Variants in MAGI1 observed in about 807,000 individuals in gnomAD.
MAGI1 encodes the protein membrane-associated guanylate kinase, WW and PDZ domain-containing protein 1.
Under a neutral mutation model 139.9 loss-of-function variants are expected in MAGI1, and 58 were observed. That is an observed-to-expected ratio of 0.41 (90% confidence interval 0.34 to 0.52). The LOEUF (loss-of-function observed/expected upper bound fraction) is 0.52. Among genes scored for constraint, MAGI1 ranks in the 20% least tolerant of loss-of-function variants. The pLI, the probability that MAGI1 is intolerant of heterozygous loss-of-function variation, is 0.12. For missense variants in MAGI1, 1,874 were observed against 1,901.6 expected (o/e 0.99, Z 0.27); for synonymous variants, 812 against 737.9 (o/e 1.10, Z -1.63).
At chr3:65,596,124 C>T (rs114790167) in intron 2 of MAGI1, among the ~76,000 whole-genome samples, 2,902 of 152,102 alleles carry the variant, frequency 0.019, 92 homozygotes, top group African/African-American at 0.064. Context: ...TCCAAGTGAT[C>T]AAAAAACAAC....
At chr3:65,949,784 A>G (rs1432315917) in intron 1 of MAGI1, among the ~76,000 whole-genome samples, 2 of 152,168 alleles carry the variant, frequency 1.3e-5, no homozygotes, top group African/African-American at 4.8e-5. Flanking sequence ...CTCCAGTTTT[A>G]TATTTAAACT....
intron 2 of MAGI1, among the ~76,000 whole-genome samples, chr3:65,516,236 G>A (rs2077870033): frequency 6.6e-6 from 1 of 152,018 alleles, no homozygotes; most frequent in Non-Finnish European, 1.5e-5. Context: ...CTGGAGTGCA[G>A]TGGTCCAATC....
chr3:65,889,854 A>T (rs1365999148), intron 1 of MAGI1, among the ~76,000 whole-genome samples: 1 of 152,218 alleles, frequency 6.6e-6, no homozygotes, highest in African/African-American at 2.4e-5. Flanking sequence ...ATGTACTGGT[A>T]TATACAGAAA....
chr3:65,503,452 C>A (rs2077162210), intron 2 of MAGI1, among the ~76,000 whole-genome samples: 2 of 152,208 alleles, frequency 1.3e-5, no homozygotes, highest in South Asian at 4.1e-4. Context: ...ACTATGATAA[C>A]AAAGGTCAGA....
chr3:65,648,436 C>G (rs887589258), intron 1 of MAGI1, among the ~76,000 whole-genome samples: 8 of 152,038 alleles, frequency 5.3e-5, no homozygotes, highest in Non-Finnish European at 1.0e-4. Flanking sequence ...CTGCACCTGG[C>G]CTTAATGAAT....
chr3:65,574,776 C>G (rs919382543), intron 2 of MAGI1, among the ~76,000 whole-genome samples: 1 of 151,918 alleles, frequency 6.6e-6, no homozygotes, highest in African/African-American at 2.4e-5. Context: ...ATGAGTGAAA[C>G]AGAATAGAGA....
Position 66,038,379 on chromosome 3 carries a change from C to T in MAGI1, c.-71G>A, listed in dbSNP as rs1254759174. The stretch of plus-strand genomic sequence containing the variant: ...GCCCCCCACAGCACGAGCCCCCAAG[C>T]CTCCGCTTGTTCATGGGAGAAACAT... On this transcript the variant is annotated 5_prime_UTR_variant, in exon 1 of 23. Coordinates refer to ENST00000402939, the MANE Select transcript of MAGI1 (RefSeq NM_001033057.2). 7 of 1,496,362 alleles carry T rather than the reference C, an allele frequency of 4.7e-6. No homozygotes were observed. Among genetic ancestry groups the T allele is most frequent in the African/African-American group, 1.4e-5 (1 of 71,468 alleles). The allele number at this position is 1,496,362 out of a possible 1,614,324, so 92.7% of individuals were successfully genotyped here.
At chr3:65,578,043 C>T (rs192482685) in intron 2 of MAGI1, among the ~76,000 whole-genome samples, 2 of 152,182 alleles carry the variant, frequency 1.3e-5, no homozygotes, top group African/African-American at 4.8e-5. Flanking sequence ...GGCCTTCTAC[C>T]CAGCATGCCT....
chr3:65,687,373 G>T, intron 1 of MAGI1: 1 of 313,218 alleles, frequency 3.2e-6, no homozygotes, highest in Non-Finnish European at 6.6e-6. Flanking sequence ...GAGAGTTCAG[G>T]CCCTTTGTAC....
At chr3:65,923,004 G>C (rs1171661043) in intron 1 of MAGI1, among the ~76,000 whole-genome samples, 1 of 152,102 alleles carries the variant, frequency 6.6e-6, no homozygotes, top group Non-Finnish European at 1.5e-5. Context: ...CAAAACAGAG[G>C]AGATTTGCAA....
At chr3:65,686,119 AT>A (rs2088004407) in intron 1 of MAGI1, among the ~76,000 whole-genome samples, 1 of 151,838 alleles carries the variant, frequency 6.6e-6, no homozygotes, top group Non-Finnish European at 1.5e-5. Context: ...TCTCTACTTG[AT>A]TTTCTTTGGC....
intron 2 of MAGI1, among the ~76,000 whole-genome samples, chr3:65,525,117 TA>T (rs1213646089): frequency 6.6e-6 from 1 of 152,200 alleles, no homozygotes; most frequent in East Asian, 1.9e-4. Context: ...GACTCAAATT[TA>T]CACATTCTCA....
At chr3:66,025,541 A>T (rs2068208929) in intron 1 of MAGI1, among the ~76,000 whole-genome samples, 1 of 151,742 alleles carries the variant, frequency 6.6e-6, no homozygotes, top group Non-Finnish European at 1.5e-5. Context: ...TGTCTCAAAA[A>T]CAAAAAAACA....
intron 1 of MAGI1, among the ~76,000 whole-genome samples, chr3:65,642,725 G>C (rs2085050316): frequency 6.6e-6 from 1 of 152,210 alleles, no homozygotes; most frequent in Non-Finnish European, 1.5e-5. Flanking sequence ...ATTCTGGAAA[G>C]AGAAAATGTA....
At chr3:65,979,693 T>C (rs551509454) in intron 1 of MAGI1, among the ~76,000 whole-genome samples, 40 of 152,198 alleles carry the variant, frequency 2.6e-4, no homozygotes, top group African/African-American at 8.9e-4. Flanking sequence ...AAAGAGTCGA[T>C]AGGTAGATAA....
chr3:65,395,434 G>C (rs1322025882), intron 13 of MAGI1, among the ~76,000 whole-genome samples: 1 of 151,254 alleles, frequency 6.6e-6, no homozygotes, highest in Non-Finnish European at 1.5e-5. Context: ...TTGAGGTCAG[G>C]AGTTCGAAAC....
intron 1 of MAGI1, among the ~76,000 whole-genome samples, chr3:65,752,451 T>C (rs1429960403): frequency 6.6e-6 from 1 of 152,222 alleles, no homozygotes; most frequent in Non-Finnish European, 1.5e-5. Context: ...ATCAATGTAA[T>C]TTAATGTCAA....
chr3:65,371,361 C>T (rs540971773), intron 18 of MAGI1, among the ~76,000 whole-genome samples: 9 of 152,322 alleles, frequency 5.9e-5, no homozygotes, highest in Admixed American at 4.6e-4. Flanking sequence ...ATACTATAGT[C>T]TATTAAGTGT....
intron 1 of MAGI1, among the ~76,000 whole-genome samples, chr3:66,021,825 C>T (rs189002194): frequency 3.3e-4 from 50 of 152,252 alleles, no homozygotes; most frequent in African/African-American, 8.4e-4. Context: ...AATAAAGCCA[C>T]GCCCCGGTGA....
Sources: gnomAD v4.1 joint callset for allele counts (sites outside exome capture counted in the v4.1 genomes callset) on GRCh38, gnomAD v4.1.1 for gene constraint, MANE v1.5 for transcripts, NCBI Gene and HGNC (gene_info 2026-07-23, HGNC 2026-07-21) for gene names.